GLE1: variants seen among roughly 807,000 people sequenced by gnomAD.
GLE1 encodes the protein mRNA export factor GLE1.
A neutral mutation model predicts 97.3 loss-of-function variants in GLE1; 78 were observed. The ratio of observed to expected loss-of-function variants is 0.80; its 90% CI spans 0.67 to 0.97. The LOEUF (loss-of-function observed/expected upper bound fraction) is 0.97, where lower values mean the gene tolerates loss of function less well. Ranked by LOEUF, GLE1 falls within the 50% of genes least tolerant of loss-of-function variation. The probability of loss-of-function intolerance (pLI) is 0.00; values close to 1 mark genes in which losing one functional copy is unlikely to be tolerated. For missense variants in GLE1, 753 were observed against 857.5 expected, an observed-to-expected ratio of 0.88 and a Z score of 1.52; for synonymous variants, 302 against 313.4, an observed-to-expected ratio of 0.96 and a Z score of 0.39.
At chr9:128,534,992 C>T (rs980298927) in intron 11 of GLE1, among the ~76,000 whole-genome samples, 6 of 151,792 alleles carry the variant, frequency 4.0e-5, no homozygotes, top group Non-Finnish European at 5.9e-5. Context: ...GCTGGGATTA[C>T]AGGCGTGAGC....
At chr9:128,540,931 T>C (rs1482229653) in intron 15 of GLE1, 171 bp from the exon 16 acceptor site, 1 of 632,894 alleles carries the variant, frequency 1.6e-6, no homozygotes, top group Non-Finnish European at 2.8e-6. Flanking sequence ...GAGCAGATCA[T>C]GCAGAAGTGG....
At chr9:128,538,139 C>T in intron 13 of GLE1, 49 bp downstream of exon 13, 2 of 961,120 alleles carry the variant, frequency 2.1e-6, no homozygotes, top group South Asian at 1.3e-5. Context: ...TTGAGGTAGC[C>T]TTGATCCACT....
In GLE1 at chr9:128,536,287, G is replaced by A; in HGVS notation, c.1647-68G>A. ...GGCCTCAAGTGATCTGCCCACCTTG[G>A]CCTCCCAAAGTGCTGGGATTACAAG... On this transcript the variant is annotated intron_variant, in intron 11 of 15. Transcript: ENST00000309971. The A allele has an allele frequency of 3.1e-6, 4 of 1,302,744 alleles. No individual in the cohort carries two copies. In the South Asian group the frequency reaches 4.7e-5, roughly 15 times the overall value. The allele number at this position is 1,302,744 out of a possible 1,614,324, so 80.7% of individuals were successfully genotyped here. A position where few individuals can be genotyped will look rare whatever the true frequency, so the allele number is the denominator to read the frequency against.
intron 1 of GLE1, among the ~76,000 whole-genome samples, chr9:128,508,153 C>T (rs954065750): frequency 6.3e-5 from 9 of 142,460 alleles, no homozygotes; most frequent in Non-Finnish European, 8.9e-5. Context: ...GCACTCCAGC[C>T]TGGGCAACAA....
At chr9:128,533,482 A>G (rs375572826) in intron 9 of GLE1, 31 bp from the exon 10 acceptor site, 10 of 1,400,190 alleles carry the variant, frequency 7.1e-6, no homozygotes, top group Admixed American at 3.4e-5. Context: ...ATCTGTGGTT[A>G]TATCTTTTAA....
intron 3 of GLE1, among the ~76,000 whole-genome samples, chr9:128,519,271 CAA>C (rs980917829): frequency 2.6e-5 from 4 of 152,164 alleles, no homozygotes; most frequent in Admixed American, 6.6e-5. Flanking sequence ...GTTTAGGAAA[CAA>C]GAGAGATAAC....
At chr9:128,511,456 C>T (rs1056748769) in intron 2 of GLE1, among the ~76,000 whole-genome samples, 3 of 151,490 alleles carry the variant, frequency 2.0e-5, no homozygotes, top group African/African-American at 4.8e-5. Flanking sequence ...GCCTGTAATC[C>T]CAGCACTTTG....
chr9:128,538,955 T>C (rs1039241911), intron 13 of GLE1, among the ~76,000 whole-genome samples: 1 of 152,090 alleles, frequency 6.6e-6, no homozygotes, highest in African/African-American at 2.4e-5. Flanking sequence ...CTAGTTACCT[T>C]AATAGCTCCT....
chr9:128,541,851 A>G lies in GLE1; in HGVS notation c.*681A>G, dbSNP rs1847890013. The G allele has an allele frequency of 6.6e-6, 1 of 152,282 alleles. No homozygotes were observed. The highest frequency in any genetic ancestry group is 2.4e-5 in the African/African-American group (1 of 41,458). 9.4% of individuals were successfully genotyped at this position (152,282 alleles called of 1,614,324 possible). Reference sequence around the variant, plus strand: ...TTTGGAATTTGGTCCCTGGATGGCTAGGGATCCATGAACCAGGCAGGTACC... The same window carrying G: ...TTTGGAATTTGGTCCCTGGATGGCTGGGGATCCATGAACCAGGCAGGTACC... On this transcript the variant is annotated 3_prime_UTR_variant, in exon 16 of 16. Transcript: ENST00000309971.
intron 12 of GLE1, among the ~76,000 whole-genome samples, chr9:128,537,708 A>G (rs990200303): frequency 7.9e-5 from 12 of 152,052 alleles, no homozygotes; most frequent in Non-Finnish European, 1.6e-4. Context: ...TACTTGGGAG[A>G]CTGAAGTGGA....
At chr9:128,516,239 T>G (rs1846982770) in intron 3 of GLE1, among the ~76,000 whole-genome samples, 1 of 152,162 alleles carries the variant, frequency 6.6e-6, no homozygotes, top group Admixed American at 6.5e-5. Flanking sequence ...ATTACAGGCA[T>G]GAGCCACGAT....
At position 128,542,237 on chromosome 9, in the gene GLE1, G is replaced by A. The variant is rs1847898355; in HGVS notation, c.*1067G>A. 6.6e-6 allele frequency: 1 copy of A among 152,102 alleles called. No individual in the cohort carries two copies. Among genetic ancestry groups the A allele is most frequent in the Admixed American group, 6.6e-5 (1 of 15,252 alleles). 9.4% of individuals were successfully genotyped at this position (152,102 alleles called of 1,614,324 possible). On this transcript the variant is annotated 3_prime_UTR_variant, in exon 16 of 16. Transcript: ENST00000309971. The stretch of plus-strand genomic sequence containing the variant: ...CCTGAAGTGACCCATTCTATGAATT[G>A]TTAATTAAGGTGCCAAAAAAAATTA...
intron 3 of GLE1, among the ~76,000 whole-genome samples, chr9:128,520,410 GTATATATA>G (rs1054971044): frequency 6.9e-6 from 1 of 143,936 alleles, no homozygotes; most frequent in Non-Finnish European, 1.5e-5. Context: ...GTGTATATAT[GTATATATA>G]TGTATATATG....
chr9:128,513,072 AG>A (rs1458704323), intron 2 of GLE1, among the ~76,000 whole-genome samples: 2 of 152,224 alleles, frequency 1.3e-5, no homozygotes, highest in African/African-American at 4.8e-5. Context: ...TATTTACGTA[AG>A]AAAAACCCAG....
intron 6 of GLE1, among the ~76,000 whole-genome samples, chr9:128,524,797 C>T (rs1847255657): frequency 6.6e-6 from 1 of 151,868 alleles, no homozygotes; most frequent in Non-Finnish European, 1.5e-5. Context: ...GAAGCTGAGG[C>T]ACGAGCAGCA....
chr9:128,520,269 T>C (rs1176427679), intron 3 of GLE1, among the ~76,000 whole-genome samples: 1 of 150,500 alleles, frequency 6.6e-6, no homozygotes, highest in Admixed American at 6.7e-5. Flanking sequence ...TATATATATA[T>C]GTATATATGT....
intron 2 of GLE1, among the ~76,000 whole-genome samples, chr9:128,510,726 G>C (rs1400509899): frequency 7.1e-6 from 1 of 140,674 alleles, no homozygotes; most frequent in Non-Finnish European, 1.5e-5. Flanking sequence ...ACAGGATTTT[G>C]CCATGTTGTC....
At chr9:128,509,402 G>C (rs2132407162) in intron 2 of GLE1, among the ~76,000 whole-genome samples, 1 of 151,052 alleles carries the variant, frequency 6.6e-6, no homozygotes, top group East Asian at 1.9e-4. Context: ...TGTGTTATCT[G>C]CTGGAAGAAG....
intron 6 of GLE1, among the ~76,000 whole-genome samples, chr9:128,524,710 G>A (rs1328963506): frequency 1.3e-5 from 2 of 151,508 alleles, no homozygotes; most frequent in Non-Finnish European, 2.9e-5. Context: ...CAGCCAACAT[G>A]GTGAAACCCA....
Sources: allele counts gnomAD v4.1 joint callset (sites outside exome capture counted in the v4.1 genomes callset), GRCh38; gene constraint gnomAD v4.1.1; transcripts MANE v1.5; gene names NCBI Gene and HGNC (gene_info 2026-07-23, HGNC 2026-07-21).